AK3: variants seen among roughly 807,000 people sequenced by gnomAD.
AK3 encodes adenylate kinase 3.
AK3 carries 27 observed loss-of-function variants against 23.7 expected under a neutral mutation model. The ratio of observed to expected loss-of-function variants is 1.14; its 90% CI spans 0.84 to 1.57. AK3 has a LOEUF of 1.57. Among genes scored for constraint, AK3 ranks in the 40% most tolerant of loss-of-function variants. The pLI is 0.00. For missense variants in AK3, 406 were observed against 285.6 expected, an observed-to-expected ratio of 1.42 and a Z score of -3.04; for synonymous variants, 159 against 116.0, an observed-to-expected ratio of 1.37 and a Z score of -2.38.
intron 2 of AK3, among the ~76,000 whole-genome samples, chr9:4,719,855 C>G (rs1169267138): frequency 6.6e-6 from 1 of 152,146 alleles, no homozygotes; most frequent in African/African-American, 2.4e-5. Flanking sequence ...CACCTGAGCT[C>G]AGGAGTTCAA....
chr9:4,718,573 A>C, intron 3 of AK3, 36 bp from the exon 4 acceptor site: 11 of 1,394,874 alleles, frequency 7.9e-6, no homozygotes, highest in Non-Finnish European at 1.1e-5. Context: ...ATCAGATATC[A>C]TATTTCTGAA....
rs1405536115 is a variant in AK3, at chr9:4,724,136, T to G, written c.152-1511A>C. 3.3e-5 allele frequency among the ~76,000 whole-genome samples: 5 copies of G among 152,206 alleles called. 1 individual carries two copies. Among genetic ancestry groups the G allele is most frequent in the African/African-American group, 1.2e-4 (5 of 41,442 alleles). ...TGCAGACTGCACTTAGAAGAGGGCTTGGCAGATGGAGAGCTCAGGACTCAC... is the reference window on the plus strand; with the variant it reads ...TGCAGACTGCACTTAGAAGAGGGCTGGGCAGATGGAGAGCTCAGGACTCAC... On this transcript the variant is annotated intron_variant, in intron 1 of 4. Coordinates refer to ENST00000381809, the MANE Select transcript of AK3 (RefSeq NM_016282.4).
chr9:4,716,241 T>C (rs545444901), intron 4 of AK3, among the ~76,000 whole-genome samples: 62 of 152,314 alleles, frequency 4.1e-4, no homozygotes, highest in Non-Finnish European at 7.5e-4. Context: ...ATAAATACTG[T>C]TTACCCAGCT....
At position 4,740,881 on chromosome 9, in the gene AK3, C is replaced by T. The variant is rs892194976; in HGVS notation, c.151+56G>A. On this transcript the variant is annotated intron_variant, in intron 1 of 4. Coordinates refer to ENST00000381809, the MANE Select transcript of AK3 (RefSeq NM_016282.4). ...GCGTGCCCAGCTTCGGCCCCTCGCCCGCGAAGTCCGACCCGGGTGACAGCG... is the reference window on the plus strand; with the variant it reads ...GCGTGCCCAGCTTCGGCCCCTCGCCTGCGAAGTCCGACCCGGGTGACAGCG... The T allele has an allele frequency of 3.5e-6, 5 of 1,426,634 alleles. No homozygotes were observed. The African/African-American group carries it at 7.4e-5, about 21-fold the overall frequency. The allele number at this position is 1,426,634 out of a possible 1,614,324, so 88.4% of individuals were successfully genotyped here.
chr9:4,731,809 G>T (rs936522308), intron 1 of AK3, among the ~76,000 whole-genome samples: 1 of 151,960 alleles, frequency 6.6e-6, no homozygotes, highest in African/African-American at 2.4e-5. Flanking sequence ...AACCGCATGG[G>T]TCTACCTCTG....
chr9:4,713,302 G>A (rs1841613147), intron 4 of AK3, among the ~76,000 whole-genome samples: 1 of 152,116 alleles, frequency 6.6e-6, no homozygotes. Flanking sequence ...TTACAAAAAT[G>A]GGTGCTTAAA....
At chr9:4,730,035 G>C (rs907944614) in intron 1 of AK3, among the ~76,000 whole-genome samples, 11 of 152,112 alleles carry the variant, frequency 7.2e-5, no homozygotes, top group African/African-American at 2.7e-4. Context: ...TTACAGCATA[G>C]ATGAACCTTC....
rs974193230 is a variant in AK3 at position 4,733,343 on chromosome 9, C to G, written c.151+7594G>C. ...CCCAATCAAGGGCTTTAAAAAAAAA[C>G]CTTTCTCAAATAATAAACACTTGAG... On this transcript the variant is annotated intron_variant, in intron 1 of 4. Coordinates refer to ENST00000381809, the MANE Select transcript of AK3 (RefSeq NM_016282.4). 2.1e-5 allele frequency among the ~76,000 whole-genome samples: 3 copies of G among 144,906 alleles called. No homozygotes were observed. The Admixed American group carries it at 2.1e-4, about 10-fold the overall frequency.
intron 2 of AK3, among the ~76,000 whole-genome samples, chr9:4,721,468 T>C (rs1416532988): frequency 1.3e-5 from 2 of 151,826 alleles, no homozygotes; most frequent in East Asian, 3.9e-4. Flanking sequence ...TCAACTTCTT[T>C]TTTTTTTCTG....
chr9:4,731,455 AT>A (rs1392982762), intron 1 of AK3, among the ~76,000 whole-genome samples: 1 of 152,106 alleles, frequency 6.6e-6, no homozygotes, highest in East Asian at 1.9e-4. Flanking sequence ...AATCTTGTTC[AT>A]TTTTATGGCT....
At chr9:4,724,345 C>T (rs1841972712) in intron 1 of AK3, among the ~76,000 whole-genome samples, 2 of 152,132 alleles carry the variant, frequency 1.3e-5, no homozygotes, top group Admixed American at 6.5e-5. Flanking sequence ...TCTCACTCTT[C>T]AGGCCAAGCC....
In AK3 at chr9:4,713,114, A is replaced by C; in HGVS notation, c.564-18T>G. The C allele has an allele frequency of 6.2e-7, 1 of 1,612,544 alleles. No homozygotes were observed. On this transcript the variant is annotated intron_variant, in intron 4 of 4. Coordinates refer to ENST00000381809, the MANE Select transcript of AK3 (RefSeq NM_016282.4). ...CTTTTTTCCTAAAGATGAAACAAAAACAAAACAAACACACACAGGTCTGAG... is the reference window on the plus strand; with the variant it reads ...CTTTTTTCCTAAAGATGAAACAAAACCAAAACAAACACACACAGGTCTGAG...
At chr9:4,733,592 A>G (rs1842203954) in intron 1 of AK3, among the ~76,000 whole-genome samples, 1 of 152,192 alleles carries the variant, frequency 6.6e-6, no homozygotes, top group Non-Finnish European at 1.5e-5. Context: ...CCCGCTCACC[A>G]TCACTCAATC....
chr9:4,712,282 TC>T lies in AK3; in HGVS notation c.*693del, dbSNP rs973120439. 1 of 152,146 alleles carries T rather than the reference TC, an allele frequency of 6.6e-6. No homozygotes were observed. The highest frequency in any genetic ancestry group is 1.5e-5 in the Non-Finnish European group (1 of 68,008). The allele number at this position is 152,146 out of a possible 1,614,324, so 9.4% of individuals were successfully genotyped here. ...CAATTTTTGACACAAATCATAACCC[TC>T]AGTACACAGGTATTTTCAAAGGAAA... On this transcript the variant is annotated 3_prime_UTR_variant, in exon 5 of 5. Coordinates refer to ENST00000381809, the MANE Select transcript of AK3 (RefSeq NM_016282.4).
rs527825949 is a variant in AK3 at position 4,725,212 on chromosome 9, C to T, written c.152-2587G>A. The stretch of plus-strand genomic sequence containing the variant: ...CTAATTTTTGTATTTTTAGTAGAGA[C>T]AGGGTTTCACCATGTTGGCCAGGCT... On this transcript the variant is annotated intron_variant, in intron 1 of 4. Transcript: ENST00000381809. 2.6e-5 allele frequency among the ~76,000 whole-genome samples: 4 copies of T among 151,674 alleles called. No homozygotes were observed. In the East Asian group the frequency reaches 7.9e-4, roughly 30 times the overall value.
intron 1 of AK3, among the ~76,000 whole-genome samples, chr9:4,740,485 T>C (rs184503291): frequency 6.6e-6 from 1 of 152,108 alleles, no homozygotes; most frequent in Admixed American, 6.5e-5. Context: ...TCATAGAGCT[T>C]AACCACACCA....
intron 2 of AK3, among the ~76,000 whole-genome samples, chr9:4,720,662 C>A (rs1372744914): frequency 6.8e-6 from 1 of 146,432 alleles, no homozygotes; most frequent in Non-Finnish European, 1.5e-5. Context: ...TGCACTGCAG[C>A]CTGGTGACAG....
intron 1 of AK3, among the ~76,000 whole-genome samples, chr9:4,732,252 A>G (rs1324812017): frequency 6.6e-6 from 1 of 152,134 alleles, no homozygotes; most frequent in Admixed American, 6.6e-5. Flanking sequence ...CATGGCTGAT[A>G]ATTTCTTAAT....
chr9:4,718,512 G>C lies in AK3; in HGVS notation c.470C>G (p.Pro157Arg), dbSNP rs1841799145. The change falls in exon 4 of 5, where the codon CCT (proline) becomes CGT (arginine). Residue 157 changes from proline (P) to arginine (R), a missense_variant. By Grantham distance (103) the Pro-to-Arg change is moderately radical. Coordinates refer to ENST00000381809, the MANE Select transcript of AK3 (RefSeq NM_016282.4). The part of the protein sequence containing the change: ...TVGIDDLTGE[P>R]LIQREDDKPE... ...TTTATCATCCTCACGCTGAATGAGA[G>C]GCTCCCCAGTCAGGTCATCAATGCC... 1 of 1,613,742 alleles carries C rather than the reference G, an allele frequency of 6.2e-7. No individual in the cohort carries two copies. Among genetic ancestry groups the C allele is most frequent in the Non-Finnish European group, 8.5e-7 (1 of 1,179,778 alleles).
Sources: gnomAD v4.1 joint callset for allele counts (sites outside exome capture counted in the v4.1 genomes callset) on GRCh38, gnomAD v4.1.1 for gene constraint, MANE v1.5 for transcripts, NCBI Gene and HGNC (gene_info 2026-07-23, HGNC 2026-07-21) for gene names.